The following MTR variants were observed in gnomAD, a reference collection of about 807,000 sequenced individuals.
The protein encoded by MTR is methionine synthase.
A neutral mutation model predicts 154.8 loss-of-function variants in MTR; 84 were observed. That is an observed-to-expected ratio of 0.54 (90% CI 0.45 to 0.65). MTR has a LOEUF of 0.65. MTR is among the 30% of genes least tolerant of loss of function. The pLI, the probability that MTR is intolerant of heterozygous loss-of-function variation, is 0.00. For synonymous variants in MTR, 554 were observed against 553.9 expected, an observed-to-expected ratio of 1.00 and a Z score of 0.00; for missense variants, 1,275 against 1,570.2, an observed-to-expected ratio of 0.81 and a Z score of 3.18.
chr1:236,880,906 T>G, intron 25 of MTR, 70 bp downstream of exon 25: 6 of 1,391,186 alleles, frequency 4.3e-6, no homozygotes, highest in Non-Finnish European at 6.1e-6. Context: ...GGGTTTAACT[T>G]AAGATCTATT....
chr1:236,801,470 T>G (rs1660695593), intron 1 of MTR, among the ~76,000 whole-genome samples: 1 of 152,238 alleles, frequency 6.6e-6, no homozygotes, highest in Admixed American at 6.5e-5. Flanking sequence ...GTTCTCATAT[T>G]GTATACTTGA....
intron 23 of MTR, among the ~76,000 whole-genome samples, chr1:236,874,342 A>G (rs1665309340): frequency 6.6e-6 from 1 of 152,150 alleles, no homozygotes; most frequent in Non-Finnish European, 1.5e-5. Context: ...TGGGAGGCTG[A>G]GGCAGGCGGA....
intron 25 of MTR, 144 bp downstream of exon 25, chr1:236,880,980 G>T: frequency 1.2e-6 from 1 of 826,722 alleles, no homozygotes; most frequent in South Asian, 1.4e-5. Flanking sequence ...GTGTGCCTCT[G>T]CAGTGACTGC....
chr1:236,846,420 T>C (rs1345472920), intron 15 of MTR, among the ~76,000 whole-genome samples: 2 of 152,242 alleles, frequency 1.3e-5, no homozygotes, highest in Admixed American at 6.5e-5. Flanking sequence ...TGTTTGCACA[T>C]GTGTAAACTA....
In MTR at chr1:236,898,045, G is replaced by C. The variant is rs1666760670; in HGVS notation, c.*401G>C. The C allele has an allele frequency of 8.4e-6, 2 of 237,506 alleles. No individual in the cohort carries two copies. Among genetic ancestry groups the C allele is most frequent in the South Asian group, 5.6e-5 (1 of 17,718 alleles). The allele number at this position is 237,506 out of a possible 1,614,324, so 14.7% of individuals were successfully genotyped here. A position where few individuals can be genotyped will look rare whatever the true frequency, so the allele number is the denominator to read the frequency against. The stretch of plus-strand genomic sequence containing the variant: ...GAAAAGCCTGAAACTGAGTTGAATA[G>C]AGAAGTGTGACCCTGTGACAAAATG... On this transcript the variant is annotated 3_prime_UTR_variant, in exon 33 of 33. Coordinates refer to ENST00000366577, the MANE Select transcript of MTR (RefSeq NM_000254.3).
At chr1:236,810,229 T>TG (rs945725786) in intron 4 of MTR, among the ~76,000 whole-genome samples, 5 of 152,214 alleles carry the variant, frequency 3.3e-5, no homozygotes, top group African/African-American at 1.2e-4. Flanking sequence ...TAGTGGGATC[T>TG]GGGGCAGCCC....
At position 236,795,497 on chromosome 1, in the gene MTR, G is replaced by C. The variant is rs1264820499; in HGVS notation, c.-207G>C. On this transcript the variant is annotated 5_prime_UTR_variant, in exon 1 of 33. Coordinates refer to ENST00000366577, the MANE Select transcript of MTR (RefSeq NM_000254.3). ...AAGCACGTGCTCCAGCAGTTGCCGCGCCCAGCCCCGAGAGAGGCCCTAGGG... is the reference window on the plus strand; with the variant it reads ...AAGCACGTGCTCCAGCAGTTGCCGCCCCCAGCCCCGAGAGAGGCCCTAGGG... 6.6e-7 allele frequency: 1 copy of C among 1,519,480 alleles called. No homozygotes were observed. The highest frequency in any genetic ancestry group is 2.0e-5 in the Admixed American group (1 of 50,428). The allele number at this position is 1,519,480 out of a possible 1,614,324, so 94.1% of individuals were successfully genotyped here.
intron 18 of MTR, among the ~76,000 whole-genome samples, chr1:236,857,202 G>A (rs1461221925): frequency 6.6e-6 from 1 of 152,154 alleles, no homozygotes; most frequent in Non-Finnish European, 1.5e-5. Flanking sequence ...GTTGTTTCCT[G>A]ACTTTTTATC....
intron 14 of MTR, among the ~76,000 whole-genome samples, chr1:236,837,068 A>G (rs192854171): frequency 2.6e-5 from 4 of 152,250 alleles, no homozygotes. Flanking sequence ...ACCACAACTT[A>G]TTGGAGGCCA....
chr1:236,827,669 C>T (rs563417686), intron 11 of MTR, among the ~76,000 whole-genome samples: 1 of 152,222 alleles, frequency 6.6e-6, no homozygotes, highest in South Asian at 2.1e-4. Flanking sequence ...TTCACATTGC[C>T]TGGTACACAG....
intron 17 of MTR, 35 bp from the exon 18 acceptor site, chr1:236,852,913 C>T (rs765838539): frequency 1.2e-6 from 2 of 1,613,122 alleles, no homozygotes; most frequent in Non-Finnish European, 1.7e-6. Flanking sequence ...TAAGGTATCA[C>T]TGTAAATTCT....
chr1:236,886,260 T>C (rs1208644435), intron 26 of MTR, 32 bp from the exon 27 acceptor site: 2 of 1,578,084 alleles, frequency 1.3e-6, no homozygotes, highest in African/African-American at 1.3e-5. Context: ...AAGCTAAGAG[T>C]GTCTAACTAA....
chr1:236,855,438 A>T (rs1227526840), intron 18 of MTR, among the ~76,000 whole-genome samples: 4 of 152,186 alleles, frequency 2.6e-5, no homozygotes, highest in Admixed American at 2.6e-4. Flanking sequence ...ATCTTTATTA[A>T]ATGGTACCCT....
At chr1:236,862,957 G>A (rs77333012) in intron 21 of MTR, among the ~76,000 whole-genome samples, 1 of 152,040 alleles carries the variant, frequency 6.6e-6, no homozygotes, top group Non-Finnish European at 1.5e-5. Flanking sequence ...TTCTTGTTTT[G>A]CTTTTTTTCT....
At position 236,795,389 on chromosome 1, in the gene MTR, C is replaced by T. The variant is rs1196565172; in HGVS notation, c.-315C>T. On this transcript the variant is annotated 5_prime_UTR_variant, in exon 1 of 33. Transcript: ENST00000366577. The stretch of plus-strand genomic sequence containing the variant: ...GCCGGTTTTCTCTTGGGTCCTTTTC[C>T]GTGCCGTCCCGCGACTCCGCCTCTG... 9 of 1,415,672 alleles carry T rather than the reference C, an allele frequency of 6.4e-6. No individual in the cohort carries two copies. The highest frequency in any genetic ancestry group is 3.3e-5 in the East Asian group (1 of 29,886). 87.7% of individuals were successfully genotyped at this position (1,415,672 alleles called of 1,614,324 possible). A position where few individuals can be genotyped will look rare whatever the true frequency, so the allele number is the denominator to read the frequency against.
intron 15 of MTR, among the ~76,000 whole-genome samples, chr1:236,849,623 T>G: frequency 1.3e-5 from 2 of 151,722 alleles, no homozygotes; most frequent in Non-Finnish European, 2.9e-5. Context: ...AGGTGCGGAG[T>G]AGAGGAGAGG....
chr1:236,799,455 T>C (rs1195559359), intron 1 of MTR, among the ~76,000 whole-genome samples: 1 of 152,204 alleles, frequency 6.6e-6, no homozygotes, highest in Non-Finnish European at 1.5e-5. Flanking sequence ...CTCAGTTGCA[T>C]AGGAGTTTTT....
At chr1:236,812,163 T>C (rs1661343890) in intron 5 of MTR, among the ~76,000 whole-genome samples, 1 of 152,272 alleles carries the variant, frequency 6.6e-6, no homozygotes, top group Non-Finnish European at 1.5e-5. Flanking sequence ...CGTGAGCCAC[T>C]GCACTGGGCC....
At chr1:236,812,397 G>T (rs1056678382) in intron 5 of MTR, among the ~76,000 whole-genome samples, 2 of 152,328 alleles carry the variant, frequency 1.3e-5, no homozygotes, top group South Asian at 2.1e-4. Flanking sequence ...CTCTTAACCG[G>T]TTGATTGAAA....
Sources: gnomAD v4.1 joint callset for allele counts (sites outside exome capture counted in the v4.1 genomes callset) on GRCh38, gnomAD v4.1.1 for gene constraint, MANE v1.5 for transcripts, NCBI Gene and HGNC (gene_info 2026-07-23, HGNC 2026-07-21) for gene names.